Variants in ERC2 observed in about 807,000 individuals in gnomAD.
ERC2 encodes the protein ELKS/RAB6-interacting/CAST family member 2, also known as ERC protein 2.
ERC2 carries 42 observed loss-of-function variants against 114.8 expected under a neutral mutation model. The ratio of observed to expected loss-of-function variants is 0.37; its 90% CI spans 0.29 to 0.47. ERC2 has a LOEUF of 0.47. Ranked by LOEUF, ERC2 falls within the 20% of genes least tolerant of loss-of-function variation. The probability of loss-of-function intolerance (pLI) is 0.99; values close to 1 mark genes in which losing one functional copy is unlikely to be tolerated. For synonymous variants in ERC2, 454 were observed against 425.5 expected, an observed-to-expected ratio of 1.07 and a Z score of -0.82; for missense variants, 939 against 1,150.7, an observed-to-expected ratio of 0.82 and a Z score of 2.66.
At chr3:56,455,060 T>C (rs1396148129) in intron 1 of ERC2, among the ~76,000 whole-genome samples, 1 of 151,612 alleles carries the variant, frequency 6.6e-6, no homozygotes, top group Non-Finnish European at 1.5e-5. Context: ...GAATGTGGAG[T>C]TATTGTTTAA....
chr3:56,077,870 GCCCAT>G (rs2077047566), intron 7 of ERC2, among the ~76,000 whole-genome samples: 1 of 152,022 alleles, frequency 6.6e-6, no homozygotes, highest in African/African-American at 2.4e-5. Context: ...TAATAATTGT[GCCCAT>G]CTCACTAGGT....
At chr3:56,164,519 T>C (rs2082223565) in intron 4 of ERC2, among the ~76,000 whole-genome samples, 1 of 152,118 alleles carries the variant, frequency 6.6e-6, no homozygotes, top group East Asian at 1.9e-4. Context: ...TGGGTTGTTT[T>C]AGCTTTTGCT....
rs117853355 is a variant in ERC2, at chr3:56,192,779, G to T, written c.1075-19259C>A. ...TGGAATGGAGCTAAGCCTGAAGAAG[G>T]TGACCCATTGGCCTCAGTCATGGCC... is the stretch of plus-strand genomic sequence containing the variant. On this transcript the variant is annotated intron_variant, in intron 3 of 17. Transcript: ENST00000288221. Among the ~76,000 whole-genome samples, 834 of 152,272 alleles carry T rather than the reference G, an allele frequency of 5.5e-3. 17 individuals carry two copies. The highest frequency in any genetic ancestry group is 0.037 in the Admixed American group (565 of 15,296).
intron 1 of ERC2, among the ~76,000 whole-genome samples, chr3:56,439,646 T>A (rs1190580100): frequency 2.6e-5 from 4 of 152,246 alleles, no homozygotes; most frequent in Non-Finnish European, 4.4e-5. Flanking sequence ...TAAAATTTTT[T>A]AAATGATATA....
At chr3:55,537,633 G>A (rs1210306914) in intron 17 of ERC2, among the ~76,000 whole-genome samples, 1 of 152,160 alleles carries the variant, frequency 6.6e-6, no homozygotes, top group Non-Finnish European at 1.5e-5. Flanking sequence ...TCAACCTCTA[G>A]TTTAGTACAA....
intron 10 of ERC2, among the ~76,000 whole-genome samples, chr3:56,005,373 C>T (rs2072402452): frequency 6.6e-6 from 1 of 151,930 alleles, no homozygotes; most frequent in Non-Finnish European, 1.5e-5. Context: ...ACCTGCGAGT[C>T]AAAGGAAACC....
At chr3:56,172,707 C>A (rs2082740238) in intron 4 of ERC2, among the ~76,000 whole-genome samples, 2 of 152,146 alleles carry the variant, frequency 1.3e-5, no homozygotes, top group South Asian at 4.1e-4. Context: ...TATTTGCATC[C>A]TTCTGGCAAA....
At chr3:56,330,480 A>G (rs750297) in intron 2 of ERC2, among the ~76,000 whole-genome samples, 46,318 of 152,040 alleles carry the variant, frequency 0.3, 7,182 homozygotes, top group Admixed American at 0.34. Flanking sequence ...CACCAATTCA[A>G]ACTCAGTCCA....
At chr3:56,094,553 G>T (rs1366800315) in intron 6 of ERC2, among the ~76,000 whole-genome samples, 3 of 152,054 alleles carry the variant, frequency 2.0e-5, no homozygotes, top group Admixed American at 6.6e-5. Flanking sequence ...GTTATCTTTT[G>T]ATAAAAAAAT....
At chr3:56,096,711 CAT>C (rs1491409907) in intron 6 of ERC2, among the ~76,000 whole-genome samples, 28 of 152,090 alleles carry the variant, frequency 1.8e-4, no homozygotes, top group African/African-American at 6.0e-4. Context: ...ATTACACTTA[CAT>C]GTGTGTGTGT....
chr3:56,244,263 T>C (rs906921877), intron 3 of ERC2, among the ~76,000 whole-genome samples: 38 of 152,160 alleles, frequency 2.5e-4, no homozygotes, highest in African/African-American at 8.7e-4. Flanking sequence ...GCACTGCCAG[T>C]TGTATAAGAG....
chr3:55,996,272 C>T (rs2071503910), intron 10 of ERC2, among the ~76,000 whole-genome samples: 2 of 152,128 alleles, frequency 1.3e-5, no homozygotes, highest in Admixed American at 1.3e-4. Flanking sequence ...CAGGAATTTA[C>T]CTCTTAAAAA....
intron 15 of ERC2, among the ~76,000 whole-genome samples, chr3:55,720,749 T>C (rs932700917): frequency 3.9e-5 from 6 of 152,182 alleles, no homozygotes; most frequent in Non-Finnish European, 5.9e-5. Flanking sequence ...ATGTAGATCC[T>C]AGTTTATGTT....
At position 56,018,882 on chromosome 3, in the gene ERC2, G is replaced by C; in HGVS notation, c.1779+12C>G. On this transcript the variant is annotated intron_variant, in intron 8 of 17. Coordinates refer to ENST00000288221, the MANE Select transcript of ERC2 (RefSeq NM_015576.3). ...CATATCCTGATTCCCCAGTTTTTGA[G>C]TGCATGCTCACCTTCTCTGACAGAG... is the stretch of plus-strand genomic sequence containing the variant. 1.2e-6 allele frequency: 2 copies of C among 1,607,634 alleles called. No individual in the cohort carries two copies. The highest frequency in any genetic ancestry group is 1.7e-6 in the Non-Finnish European group (2 of 1,177,796).
At chr3:56,344,185 G>A (rs1003150728) in intron 2 of ERC2, among the ~76,000 whole-genome samples, 1 of 152,188 alleles carries the variant, frequency 6.6e-6, no homozygotes, top group Non-Finnish European at 1.5e-5. Flanking sequence ...AAGAAGGAAA[G>A]CAAAGAAAAC....
intron 2 of ERC2, among the ~76,000 whole-genome samples, chr3:56,355,206 T>A (rs769427720): frequency 6.6e-6 from 1 of 152,244 alleles, no homozygotes; most frequent in East Asian, 1.9e-4. Context: ...TGTTGTTTGT[T>A]AGCACAAGTG....
At chr3:55,580,518 A>G (rs547089766) in intron 17 of ERC2, among the ~76,000 whole-genome samples, 4 of 152,302 alleles carry the variant, frequency 2.6e-5, no homozygotes, top group Admixed American at 2.0e-4. Context: ...CCCTGAAATC[A>G]TTTCTCCAAA....
chr3:56,455,605 G>C (rs1185833366), intron 1 of ERC2, among the ~76,000 whole-genome samples: 2 of 152,114 alleles, frequency 1.3e-5, no homozygotes, highest in African/African-American at 4.8e-5. Context: ...ATAATACTTA[G>C]ATCATGAAGT....
chr3:55,645,995 T>A (rs2060381130), intron 17 of ERC2, among the ~76,000 whole-genome samples: 2 of 152,142 alleles, frequency 1.3e-5, no homozygotes, highest in Admixed American at 1.3e-4. Context: ...GTAGGTTAAA[T>A]AAGCCCTTGA....
Sources: gnomAD v4.1 joint callset for allele counts (sites outside exome capture counted in the v4.1 genomes callset) on GRCh38, gnomAD v4.1.1 for gene constraint, MANE v1.5 for transcripts, NCBI Gene and HGNC (gene_info 2026-07-23, HGNC 2026-07-21) for gene names.